The following NLGN1 variants were observed in gnomAD, a reference collection of about 807,000 sequenced individuals.
The protein encoded by NLGN1 is neuroligin-1.
NLGN1 carries 12 observed loss-of-function variants against 65.5 expected under a neutral mutation model. That is an observed-to-expected ratio of 0.18 (90% CI 0.12 to 0.30). The LOEUF is 0.30. Ranked by LOEUF, NLGN1 falls within the 10% of genes least tolerant of loss-of-function variation. The pLI, the probability that NLGN1 is intolerant of heterozygous loss-of-function variation, is 1.00. For missense variants in NLGN1, 750 were observed against 1,007.1 expected, an observed-to-expected ratio of 0.74 and a Z score of 3.46; for synonymous variants, 350 against 359.5, an observed-to-expected ratio of 0.97 and a Z score of 0.30.
At chr3:173,730,324 C>CG (rs72448266) in intron 3 of NLGN1, among the ~76,000 whole-genome samples, 78,916 of 124,314 alleles carry the variant, frequency 0.63, 27,918 homozygotes, top group East Asian at 0.83. Context: ...CCCACCGCTC[C>CG]CCCCCCCCCG....
At chr3:174,203,049 G>C (rs1258792232) in intron 4 of NLGN1, among the ~76,000 whole-genome samples, 3 of 151,932 alleles carry the variant, frequency 2.0e-5, no homozygotes, top group African/African-American at 7.3e-5. Flanking sequence ...TCATTGAAAG[G>C]TACCTGACCC....
At chr3:173,943,479 A>T (rs1212853314) in intron 4 of NLGN1, among the ~76,000 whole-genome samples, 1 of 152,150 alleles carries the variant, frequency 6.6e-6, no homozygotes, top group African/African-American at 2.4e-5. Flanking sequence ...CTCAGCTTCA[A>T]TGAAAGTACA....
At chr3:173,507,676 A>AGTGT (rs143327016) in intron 2 of NLGN1, among the ~76,000 whole-genome samples, 6,168 of 151,132 alleles carry the variant, frequency 0.041, 396 homozygotes, top group African/African-American at 0.14. Context: ...TTTCCCAAAT[A>AGTGT]GTGTGTGTGT....
intron 4 of NLGN1, among the ~76,000 whole-genome samples, chr3:173,918,489 G>A (rs1020405475): frequency 6.6e-5 from 10 of 151,782 alleles, no homozygotes; most frequent in East Asian, 1.9e-4. Context: ...AAAGATTAGC[G>A]CCATGCGGCA....
chr3:173,914,240 A>C (rs959393146), intron 4 of NLGN1, among the ~76,000 whole-genome samples: 3 of 152,138 alleles, frequency 2.0e-5, no homozygotes, highest in Non-Finnish European at 2.9e-5. Flanking sequence ...TCCTTAAAGA[A>C]ATCATTATTG....
At chr3:173,559,888 A>G (rs1383273901) in intron 2 of NLGN1, among the ~76,000 whole-genome samples, 1 of 151,932 alleles carries the variant, frequency 6.6e-6, no homozygotes, top group Non-Finnish European at 1.5e-5. Context: ...AATGAAAAAC[A>G]CTAATGTAGA....
At chr3:173,587,534 GAGGAATTCACTT>G (rs1206476679) in intron 2 of NLGN1, among the ~76,000 whole-genome samples, 1 of 152,116 alleles carries the variant, frequency 6.6e-6, no homozygotes, top group African/African-American at 2.4e-5. Flanking sequence ...TGAAAAACCT[GAGGAATTCACTT>G]AGAAAATTAA....
chr3:174,125,568 A>G (rs562627901), intron 4 of NLGN1, among the ~76,000 whole-genome samples: 1 of 152,246 alleles, frequency 6.6e-6, no homozygotes, highest in African/African-American at 2.4e-5. Context: ...GATACTGGTA[A>G]GATGGTCAAA....
At chr3:173,870,390 A>G (rs1447971102) in intron 4 of NLGN1, among the ~76,000 whole-genome samples, 2 of 152,206 alleles carry the variant, frequency 1.3e-5, no homozygotes, top group African/African-American at 4.8e-5. Flanking sequence ...AAGAATAAAT[A>G]CTTGCTCAGT....
intron 2 of NLGN1, among the ~76,000 whole-genome samples, chr3:173,536,315 T>A (rs1028916487): frequency 2.0e-5 from 3 of 152,232 alleles, no homozygotes; most frequent in African/African-American, 7.2e-5. Context: ...GATTTAATTC[T>A]ATTTTAATTG....
chr3:174,085,442 TA>T (rs1743043087), intron 4 of NLGN1, among the ~76,000 whole-genome samples: 1 of 152,060 alleles, frequency 6.6e-6, no homozygotes, highest in Non-Finnish European at 1.5e-5. Flanking sequence ...TCCACATAAG[TA>T]ACTTCATTCT....
intron 2 of NLGN1, among the ~76,000 whole-genome samples, chr3:173,482,892 G>A (rs73038167): frequency 0.17 from 25,513 of 151,932 alleles, 2,227 homozygotes; most frequent in Middle Eastern, 0.27. Context: ...AATTAGAAGG[G>A]TAACTTAGGA....
intron 2 of NLGN1, among the ~76,000 whole-genome samples, chr3:173,598,980 G>A (rs1749987976): frequency 6.6e-6 from 1 of 152,104 alleles, no homozygotes; most frequent in African/African-American, 2.4e-5. Flanking sequence ...GGAAGGGTGA[G>A]CAGCACAGTA....
rs543845218 is a variant in NLGN1, at chr3:173,466,366, T to A, written c.-321+31288T>A. ...CTGGCTTACTGGGAAAAAATAAAAA[T>A]AAAAAATAAAAAGCCCTGATAGAGT... On this transcript the variant is annotated intron_variant, in intron 2 of 6. Transcript: ENST00000457714. 1.5e-3 allele frequency among the ~76,000 whole-genome samples: 226 copies of A among 152,056 alleles called. 1 individual carries two copies. Among genetic ancestry groups the A allele is most frequent in the Non-Finnish European group, 2.2e-3 (151 of 67,974 alleles).
chr3:173,649,426 A>G (rs927916998), intron 3 of NLGN1, among the ~76,000 whole-genome samples: 10 of 152,206 alleles, frequency 6.6e-5, no homozygotes, highest in African/African-American at 2.2e-4. Context: ...ATATGTCAAT[A>G]CATATGTCAA....
chr3:174,216,624 T>TA (rs2152800737), intron 4 of NLGN1, among the ~76,000 whole-genome samples: 1 of 152,216 alleles, frequency 6.6e-6, no homozygotes, highest in Admixed American at 6.5e-5. Flanking sequence ...GAGTGAGAGA[T>TA]ACCCTAGACT....
At chr3:173,740,150 G>A (rs1036534075) in intron 3 of NLGN1, among the ~76,000 whole-genome samples, 2 of 152,046 alleles carry the variant, frequency 1.3e-5, no homozygotes, top group African/African-American at 4.8e-5. Context: ...CCAACTCATT[G>A]CAATAAGAAC....
At chr3:173,801,596 G>A (rs1168491818) in intron 3 of NLGN1, among the ~76,000 whole-genome samples, 1 of 151,932 alleles carries the variant, frequency 6.6e-6, no homozygotes, top group African/African-American at 2.4e-5. Context: ...AATTACAGAG[G>A]TGGAGTATTG....
intron 1 of NLGN1, among the ~76,000 whole-genome samples, chr3:173,410,003 A>C (rs564969756): frequency 1.3e-5 from 2 of 152,296 alleles, no homozygotes; most frequent in Admixed American, 6.5e-5. Context: ...CAAATGAGCA[A>C]GATAAGGGGG....
Sources: allele counts gnomAD v4.1 joint callset (sites outside exome capture counted in the v4.1 genomes callset), GRCh38; gene constraint gnomAD v4.1.1; transcripts MANE v1.5; gene names NCBI Gene and HGNC (gene_info 2026-07-23, HGNC 2026-07-21).